The following ZMYM5 variants were observed in gnomAD, a reference collection of about 807,000 sequenced individuals.
ZMYM5 encodes zinc finger MYM-type protein 5.
A neutral mutation model predicts 61.8 loss-of-function variants in ZMYM5; 41 were observed. That is an observed-to-expected ratio of 0.66 (90% confidence interval 0.52 to 0.86). ZMYM5 has a LOEUF of 0.86. Among genes scored for constraint, ZMYM5 ranks in the 40% least tolerant of loss-of-function variants. The pLI is 0.00. For missense variants in ZMYM5, 706 were observed against 786.7 expected (o/e 0.90, Z 1.23); for synonymous variants, 257 against 276.4 (o/e 0.93, Z 0.70).
Position 19,837,688 on chromosome 13 carries a change from A to T in ZMYM5, c.1006T>A (p.Ser336Thr). The T allele has an allele frequency of 6.3e-7, 1 of 1,580,196 alleles. No homozygotes were observed. The change falls in exon 6 of 8, where the codon TCA becomes ACA. Residue 336 changes from serine to threonine, a missense_variant. By Grantham distance (58) the Ser-to-Thr change is moderately conservative. Transcript: ENST00000337963. ...WNLKKGVFNK[S>T]RCTICSKLAE... ...AATTTACTACAAATTGTACATCTTG[A>T]CTTATTAAAAACTCCTTTTTTAAGA... is the stretch of plus-strand genomic sequence containing the variant.
chr13:19,829,445 C>A (rs1032346013), intron 7 of ZMYM5, among the ~76,000 whole-genome samples: 8 of 152,020 alleles, frequency 5.3e-5, no homozygotes, highest in Non-Finnish European at 1.0e-4. Context: ...GGGCATGCCA[C>A]GCCAGCTAAT....
chr13:19,835,761 A>C (rs1041645615), intron 6 of ZMYM5, 72 bp from the exon 7 acceptor site: 1 of 1,105,264 alleles, frequency 9.0e-7, no homozygotes, highest in Non-Finnish European at 1.2e-6. Flanking sequence ...TGAGATAACT[A>C]GTTTCTGCAA....
chr13:19,842,715 T>G (rs1401529293), intron 4 of ZMYM5, among the ~76,000 whole-genome samples: 2 of 148,472 alleles, frequency 1.3e-5, no homozygotes, highest in Non-Finnish European at 3.0e-5. Flanking sequence ...ATCCCAACAC[T>G]TTGGGAGGCC....
intron 2 of ZMYM5, among the ~76,000 whole-genome samples, chr13:19,860,430 TTGTGTGTGTGTGTGTGTATG>T (rs1265812378): frequency 6.0e-5 from 8 of 133,594 alleles, no homozygotes; most frequent in Non-Finnish European, 1.1e-4. Context: ...CCGGCTAATT[TTGTGTGTGTGTGTGTGTATG>T]TGTGTGTGTG....
intron 7 of ZMYM5, 51 bp downstream of exon 7, chr13:19,835,426 G>C: frequency 8.3e-7 from 1 of 1,208,402 alleles, no homozygotes; most frequent in Non-Finnish European, 1.1e-6. Context: ...TAAGATGTAA[G>C]GGTGAAGCTA....
chr13:19,824,499 C>A lies in ZMYM5; in HGVS notation c.1988G>T (p.Gly663Val). 1 of 1,311,470 alleles carries A rather than the reference C, an allele frequency of 7.6e-7. No homozygotes were observed. The highest frequency in any genetic ancestry group is 1.3e-5 in the South Asian group (1 of 75,804). The allele number at this position is 1,311,470 out of a possible 1,614,324, so 81.2% of individuals were successfully genotyped here. A position where few individuals can be genotyped will look rare whatever the true frequency, so the allele number is the denominator to read the frequency against. Residue 663 changes from glycine to valine, a missense_variant, in exon 8 of 8, where the codon GGT becomes GTT. Gly to Val is a moderately radical substitution (Grantham distance 109). Coordinates refer to ENST00000337963, the MANE Select transcript of ZMYM5 (RefSeq NM_001142684.2). ...ATATTACGTGTACAACAACAGCACA[C>A]CATCATTTTTCTCATTTTCATATAA... ...HRLYENEKND[G>V]VLLLYT
At chr13:19,828,049 A>G (rs1477682372) in intron 7 of ZMYM5, among the ~76,000 whole-genome samples, 1 of 151,580 alleles carries the variant, frequency 6.6e-6, no homozygotes, top group Non-Finnish European at 1.5e-5. Context: ...AAAGATGTAT[A>G]AAATGTGAAT....
At chr13:19,851,307 C>A (rs1953284121) in intron 4 of ZMYM5, 48 bp downstream of exon 4, 1 of 1,507,760 alleles carries the variant, frequency 6.6e-7, no homozygotes, top group Non-Finnish European at 9.2e-7. Flanking sequence ...AAAAGAACAG[C>A]CAAAGGCTTA....
intron 4 of ZMYM5, among the ~76,000 whole-genome samples, chr13:19,850,538 C>T (rs924202964): frequency 6.6e-6 from 1 of 151,816 alleles, no homozygotes; most frequent in African/African-American, 2.4e-5. Context: ...GAGGGAGGGG[C>T]TGCAGTGAGC....
At chr13:19,834,589 C>T (rs1351430975) in intron 7 of ZMYM5, among the ~76,000 whole-genome samples, 4 of 152,090 alleles carry the variant, frequency 2.6e-5, no homozygotes, top group African/African-American at 9.7e-5. Context: ...CACCTGGCTC[C>T]AAATTTTGGT....
chr13:19,844,909 C>A (rs760310944), intron 4 of ZMYM5, among the ~76,000 whole-genome samples: 17 of 152,198 alleles, frequency 1.1e-4, no homozygotes, highest in Non-Finnish European at 2.2e-4. Flanking sequence ...AGGCGTCAGC[C>A]ATCGCACCCC....
intron 2 of ZMYM5, among the ~76,000 whole-genome samples, chr13:19,857,084 C>G (rs1057477626): frequency 1.3e-5 from 2 of 152,272 alleles, no homozygotes; most frequent in Admixed American, 6.5e-5. Flanking sequence ...CCAGCCTGGG[C>G]GACAGAGCGA....
intron 4 of ZMYM5, among the ~76,000 whole-genome samples, chr13:19,841,109 A>T (rs1019281336): frequency 2.0e-5 from 3 of 149,130 alleles, no homozygotes; most frequent in Admixed American, 6.8e-5. Flanking sequence ...GGATTACAGG[A>T]GCACGCCACC....
rs539426940 is a variant in ZMYM5 at position 19,850,157 on chromosome 13, G to A, written c.586+1198C>T. ...ACAAGTCACATAAAAGCAACAAAAA[G>A]GCATTGCTATTTAAAAAATCACTTG... On this transcript the variant is annotated intron_variant, in intron 4 of 7. Coordinates refer to ENST00000337963, the MANE Select transcript of ZMYM5 (RefSeq NM_001142684.2). Among the ~76,000 whole-genome samples the A allele has an allele frequency of 3.3e-5, 5 of 151,996 alleles. No individual in the cohort carries two copies. The East Asian group carries it at 9.6e-4, about 29-fold the overall frequency.
chr13:19,837,568 T>C (rs376831035), intron 6 of ZMYM5, 88 bp downstream of exon 6: 1 of 1,609,464 alleles, frequency 6.2e-7, no homozygotes, highest in Non-Finnish European at 8.5e-7. Flanking sequence ...ACACGTGCAT[T>C]ATGTAGATGA....
intron 2 of ZMYM5, among the ~76,000 whole-genome samples, chr13:19,860,101 CAAAAAAAAA>C (rs537760988): frequency 1.6e-4 from 5 of 31,332 alleles, no homozygotes; most frequent in South Asian, 2.2e-3. Context: ...AAGACTGTCT[CAAAAAAAAA>C]AAAAAAAAAA....
chr13:19,858,311 G>A (rs761677112), intron 2 of ZMYM5, among the ~76,000 whole-genome samples: 2 of 151,962 alleles, frequency 1.3e-5, no homozygotes, highest in East Asian at 3.9e-4. Context: ...TGGGCCAGGT[G>A]CAGTATAATG....
Position 19,824,555 on chromosome 13 carries a change from T to G in ZMYM5, c.1932A>C (p.Lys644Asn). The change falls in exon 8 of 8, where the codon AAA becomes AAC. Residue 644 changes from lysine to asparagine, a missense_variant. Physicochemically the swap from Lys to Asn is moderately conservative, Grantham distance 94. Around this residue, in one of 2 missense-constraint regions of ZMYM5, gnomAD observed 226 missense variants for 325.0 expected, o/e 0.70. Transcript: ENST00000337963. ...GTTCTGCAGCATCAATAGCTTTATTTTTTTTCAGATCAGATTTTAATTTTG... is the reference window on the plus strand; with the variant it reads ...GTTCTGCAGCATCAATAGCTTTATTGTTTTTCAGATCAGATTTTAATTTTG... The part of the protein sequence containing the change: ...KYSKLKSDLK[K>N]NKAIDAAEHR... 1 of 1,321,752 alleles carries G rather than the reference T, an allele frequency of 7.6e-7. No individual in the cohort carries two copies. Among genetic ancestry groups the G allele is most frequent in the Non-Finnish European group, 1.0e-6 (1 of 1,002,442 alleles). 81.9% of individuals were successfully genotyped at this position (1,321,752 alleles called of 1,614,324 possible).
chr13:19,846,630 A>T (rs1266057958), intron 4 of ZMYM5, among the ~76,000 whole-genome samples: 1 of 152,116 alleles, frequency 6.6e-6, no homozygotes, highest in Admixed American at 6.6e-5. Flanking sequence ...AACATTTAGG[A>T]TCTGAGTGAA....
Sources: gnomAD v4.1 joint callset for allele counts (sites outside exome capture counted in the v4.1 genomes callset) on GRCh38, gnomAD v4.1.1 for gene constraint, gnomAD v4.1.1 regional missense constraint, MANE v1.5 for transcripts, NCBI Gene and HGNC (gene_info 2026-07-23, HGNC 2026-07-21) for gene names.